GRIP1: variants seen among roughly 807,000 people sequenced by gnomAD.
GRIP1 encodes the protein glutamate receptor-interacting protein 1.
In GRIP1, 45 loss-of-function variants were observed where a neutral mutation model predicts 129.9. The observed-to-expected ratio is 0.35, with a 90% CI of 0.27 to 0.44. The LOEUF is 0.44. Among genes scored for constraint, GRIP1 ranks in the 20% least tolerant of loss-of-function variants. The pLI is 1.00. For synonymous variants in GRIP1, 530 were observed against 520.8 expected, an observed-to-expected ratio of 1.02 and a Z score of -0.24; for missense variants, 1,196 against 1,396.8, an observed-to-expected ratio of 0.86 and a Z score of 2.29.
intron 1 of GRIP1, among the ~76,000 whole-genome samples, chr12:67,057,305 C>T (rs542102670): frequency 6.6e-6 from 1 of 152,160 alleles, no homozygotes; most frequent in Non-Finnish European, 1.5e-5. Context: ...CCCCTCCCCG[C>T]TCTCTCTGCA....
intron 2 of GRIP1, among the ~76,000 whole-genome samples, chr12:66,578,432 C>T (rs1003370479): frequency 1.7e-4 from 25 of 150,374 alleles, no homozygotes; most frequent in African/African-American, 4.9e-4. Context: ...GCGCACCGTG[C>T]GCGAGCCAAA....
intron 1 of GRIP1, among the ~76,000 whole-genome samples, chr12:66,984,488 A>T (rs1288766731): frequency 6.6e-6 from 1 of 152,208 alleles, no homozygotes; most frequent in African/African-American, 2.4e-5. Flanking sequence ...TTGAGTGCTT[A>T]CTGTGTGCCA....
At chr12:66,978,594 G>C (rs966157994) in intron 1 of GRIP1, among the ~76,000 whole-genome samples, 6 of 152,118 alleles carry the variant, frequency 3.9e-5, no homozygotes, top group Admixed American at 2.0e-4. Context: ...CAGGCATCAG[G>C]CTTCTGCATT....
At chr12:66,887,836 C>T (rs1237337724) in intron 1 of GRIP1, among the ~76,000 whole-genome samples, 1 of 152,082 alleles carries the variant, frequency 6.6e-6, no homozygotes, top group African/African-American at 2.4e-5. Context: ...CCTAGATGCA[C>T]CCTCCACCAA....
chr12:66,906,986 T>A (rs1328131896), intron 1 of GRIP1, among the ~76,000 whole-genome samples: 4 of 152,202 alleles, frequency 2.6e-5, no homozygotes, highest in African/African-American at 7.2e-5. Context: ...GGTACAATAC[T>A]ATTAACTAAA....
intron 1 of GRIP1, among the ~76,000 whole-genome samples, chr12:66,858,905 G>T (rs535188101): frequency 1.3e-5 from 2 of 151,926 alleles, no homozygotes; most frequent in East Asian, 1.9e-4. Context: ...TGTGGTTGTT[G>T]GTTATGGGAA....
intron 1 of GRIP1, among the ~76,000 whole-genome samples, chr12:66,809,672 T>C (rs2136947499): frequency 6.6e-6 from 1 of 152,172 alleles, no homozygotes. Context: ...CTTTTTTTTT[T>C]TTTTTGAGAC....
chr12:66,958,310 T>C (rs2041872434), intron 1 of GRIP1, among the ~76,000 whole-genome samples: 1 of 152,148 alleles, frequency 6.6e-6, no homozygotes, highest in South Asian at 2.1e-4. Flanking sequence ...TGGCTAATTT[T>C]TTTATAGAGA....
At chr12:66,783,644 A>G (rs927960116) in intron 1 of GRIP1, among the ~76,000 whole-genome samples, 1 of 152,188 alleles carries the variant, frequency 6.6e-6, no homozygotes, top group African/African-American at 2.4e-5. Context: ...CATGGCCAAC[A>G]CATCGATTTT....
At chr12:66,835,663 A>G (rs1161265060) in intron 1 of GRIP1, among the ~76,000 whole-genome samples, 2 of 152,244 alleles carry the variant, frequency 1.3e-5, no homozygotes, top group Admixed American at 6.5e-5. Context: ...AAAAGGCTGC[A>G]TACCATATGA....
intron 1 of GRIP1, among the ~76,000 whole-genome samples, chr12:66,986,109 C>G (rs1338641022): frequency 6.6e-6 from 1 of 152,186 alleles, no homozygotes; most frequent in South Asian, 2.1e-4. Flanking sequence ...CTTCTGAATG[C>G]ACATCACAAT....
intron 1 of GRIP1, among the ~76,000 whole-genome samples, chr12:66,645,387 A>C (rs955094828): frequency 6.6e-6 from 1 of 151,964 alleles, no homozygotes; most frequent in African/African-American, 2.4e-5. Context: ...GACCTTATAC[A>C]TGCAACAATT....
chr12:66,526,866 G>T (rs1327524222), intron 5 of GRIP1, among the ~76,000 whole-genome samples: 1 of 148,970 alleles, frequency 6.7e-6, no homozygotes, highest in South Asian at 2.2e-4. Flanking sequence ...GTGGGTGAAG[G>T]ATATGAACAG....
chr12:66,616,248 G>T (rs566480638), intron 1 of GRIP1, among the ~76,000 whole-genome samples: 1 of 151,750 alleles, frequency 6.6e-6, no homozygotes, highest in African/African-American at 2.4e-5. Context: ...TGGGATTCTT[G>T]GTATTCTTTT....
chr12:66,658,099 A>C (rs2136179112), intron 1 of GRIP1, among the ~76,000 whole-genome samples: 1 of 152,308 alleles, frequency 6.6e-6, no homozygotes, highest in South Asian at 2.1e-4. Context: ...AATTATTTCA[A>C]AAGTTAATAA....
At chr12:66,410,750 C>T (rs1382581931) in intron 15 of GRIP1, among the ~76,000 whole-genome samples, 5 of 152,134 alleles carry the variant, frequency 3.3e-5, no homozygotes, top group South Asian at 2.1e-4. Flanking sequence ...GCCTTAAAGA[C>T]GAGGTAGAGA....
intron 1 of GRIP1, among the ~76,000 whole-genome samples, chr12:66,795,805 A>T (rs2038678351): frequency 6.6e-6 from 1 of 152,136 alleles, no homozygotes; most frequent in African/African-American, 2.4e-5. Context: ...TTGACATATA[A>T]TCTTTCCTTG....
intron 7 of GRIP1, among the ~76,000 whole-genome samples, chr12:66,477,476 G>A: frequency 6.6e-6 from 1 of 152,034 alleles, no homozygotes; most frequent in South Asian, 2.1e-4. Flanking sequence ...TAGATTCAAT[G>A]CCATCCCCAT....
chr12:66,553,495 G>A (rs2062211298), intron 2 of GRIP1, among the ~76,000 whole-genome samples: 1 of 151,880 alleles, frequency 6.6e-6, no homozygotes, highest in Non-Finnish European at 1.5e-5. Flanking sequence ...GACCTTGGGA[G>A]GCAGAGCAAG....
Sources: allele counts gnomAD v4.1 joint callset (sites outside exome capture counted in the v4.1 genomes callset), GRCh38; gene constraint gnomAD v4.1.1; transcripts MANE v1.5; gene names NCBI Gene and HGNC (gene_info 2026-07-23, HGNC 2026-07-21).